TRPC7: variants seen among roughly 807,000 people sequenced by gnomAD.
TRPC7 encodes transient receptor potential cation channel subfamily C member 7.
TRPC7 carries 42 observed loss-of-function variants against 90.1 expected under a neutral mutation model. That is an observed-to-expected ratio of 0.47 (90% CI 0.36 to 0.60). The LOEUF (loss-of-function observed/expected upper bound fraction) is 0.60. Ranked by LOEUF, TRPC7 falls within the 20% of genes least tolerant of loss-of-function variation. The probability of loss-of-function intolerance (pLI) is 0.00; values close to 1 mark genes in which losing one functional copy is unlikely to be tolerated. For missense variants in TRPC7, 955 were observed against 1,112.3 expected (o/e 0.86, Z 2.01); for synonymous variants, 451 against 436.3 (o/e 1.03, Z -0.42).
At chr5:136,245,818 G>T (rs912058144) in intron 7 of TRPC7, among the ~76,000 whole-genome samples, 1 of 152,314 alleles carries the variant, frequency 6.6e-6, no homozygotes, top group African/African-American at 2.4e-5. Flanking sequence ...ATCCATAAAG[G>T]TATTTGTGAA....
At chr5:136,269,289 T>C (rs1757128736) in intron 4 of TRPC7, among the ~76,000 whole-genome samples, 1 of 152,220 alleles carries the variant, frequency 6.6e-6, no homozygotes, top group Admixed American at 6.5e-5. Context: ...GCCACTATTC[T>C]TTGGCTCTGA....
intron 3 of TRPC7, among the ~76,000 whole-genome samples, chr5:136,306,054 A>G (rs1463767406): frequency 6.6e-6 from 1 of 152,070 alleles, no homozygotes; most frequent in Non-Finnish European, 1.5e-5. Context: ...CTGTCTAGTC[A>G]TACTCCTATT....
At chr5:136,340,619 A>G (rs1759816430) in intron 2 of TRPC7, among the ~76,000 whole-genome samples, 2 of 152,152 alleles carry the variant, frequency 1.3e-5, no homozygotes. Flanking sequence ...AAAGCATGAC[A>G]TGAAATCCAT....
At position 136,258,356 on chromosome 5, in the gene TRPC7, G is replaced by A. The variant is rs191837145; in HGVS notation, c.1346-6474C>T. Among the ~76,000 whole-genome samples, 19 of 152,264 alleles carry A rather than the reference G, an allele frequency of 1.2e-4. No homozygotes were observed. In the East Asian group the frequency reaches 2.9e-3, roughly 23 times the overall value. ...TAGTGAGTGAAATTGGCCCCCTGCC[G>A]CCACAGTGCCAAGGATAGTTCAGCG... is the stretch of plus-strand genomic sequence containing the variant. On this transcript the variant is annotated intron_variant, in intron 5 of 11. Coordinates refer to ENST00000513104, the MANE Select transcript of TRPC7 (RefSeq NM_020389.3).
intron 4 of TRPC7, among the ~76,000 whole-genome samples, chr5:136,268,612 G>A (rs1226470656): frequency 6.6e-6 from 1 of 152,096 alleles, no homozygotes; most frequent in African/African-American, 2.4e-5. Flanking sequence ...CAGAAGACCT[G>A]GTTTAAGGAA....
chr5:136,241,640 C>T (rs374722257), intron 7 of TRPC7, among the ~76,000 whole-genome samples: 1 of 152,136 alleles, frequency 6.6e-6, no homozygotes, highest in East Asian at 1.9e-4. Flanking sequence ...ACTGCAACCT[C>T]CGCCTCCCAG....
chr5:136,213,991 C>T (rs74755145), intron 11 of TRPC7: 2 of 185,418 alleles, frequency 1.1e-5, no homozygotes, highest in Admixed American at 5.4e-5. Context: ...CAGAGCATTG[C>T]TTTTGATGAT....
intron 3 of TRPC7, among the ~76,000 whole-genome samples, chr5:136,294,603 C>G (rs1437949890): frequency 6.6e-6 from 1 of 152,140 alleles, no homozygotes; most frequent in East Asian, 1.9e-4. Flanking sequence ...CCATCTCACA[C>G]CAGTTAGAAT....
intron 5 of TRPC7, among the ~76,000 whole-genome samples, chr5:136,253,270 T>C (rs773263767): frequency 6.6e-6 from 1 of 152,232 alleles, no homozygotes; most frequent in Non-Finnish European, 1.5e-5. Flanking sequence ...TGAATAATGC[T>C]ATTCTATACC....
At position 136,225,944 on chromosome 5, in the gene TRPC7, G is replaced by C; in HGVS notation, c.2262+90C>G. On this transcript the variant is annotated intron_variant, in intron 9 of 11. Transcript: ENST00000513104. ...TCCTGGCTCCCCTTGCATGGGGTGG[G>C]GGAGGGCAGCCATATGACTCAAACA... 5.4e-6 allele frequency: 6 copies of C among 1,113,260 alleles called. No homozygotes were observed. In the South Asian group the frequency reaches 9.1e-5, roughly 17 times the overall value. The allele number at this position is 1,113,260 out of a possible 1,614,324, so 69.0% of individuals were successfully genotyped here.
intron 3 of TRPC7, among the ~76,000 whole-genome samples, chr5:136,299,490 CAT>C (rs1193327819): frequency 6.6e-6 from 1 of 151,812 alleles, no homozygotes; most frequent in African/African-American, 2.4e-5. Flanking sequence ...TAAATTAAAA[CAT>C]AAATTAAGCA....
At chr5:136,302,238 G>A (rs1278622266) in intron 3 of TRPC7, among the ~76,000 whole-genome samples, 2 of 152,222 alleles carry the variant, frequency 1.3e-5, no homozygotes. Context: ...TTTCAAAGGT[G>A]TCAGACCACG....
chr5:136,259,262 G>A (rs1756777461), intron 5 of TRPC7, among the ~76,000 whole-genome samples: 1 of 152,192 alleles, frequency 6.6e-6, no homozygotes, highest in Non-Finnish European at 1.5e-5. Context: ...AAGCCACACA[G>A]GCAGCCCAGG....
rs747266341 is a variant in TRPC7, at chr5:136,245,030, G to A, written c.1844+2441C>T. 5.3e-5 allele frequency among the ~76,000 whole-genome samples: 8 copies of A among 152,282 alleles called. No individual in the cohort carries two copies. The East Asian group carries it at 5.8e-4, about 11-fold the overall frequency. On this transcript the variant is annotated intron_variant, in intron 7 of 11. Transcript: ENST00000513104. The stretch of plus-strand genomic sequence containing the variant: ...TTTATGCCAAGCATTGCATTTGGTC[G>A]TATTTCTTCTTATTGGATCCTTACA...
At position 136,321,295 on chromosome 5, in the gene TRPC7, G is replaced by A. The variant is rs1759188872; in HGVS notation, c.781-5516C>T. 2.0e-5 allele frequency among the ~76,000 whole-genome samples: 3 copies of A among 152,236 alleles called. 1 individual carries two copies. Among genetic ancestry groups the A allele is most frequent in the South Asian group, 4.1e-4 (2 of 4,820 alleles). ...GGAAACAAAATGTGGGTAGGGATAA[G>A]GATATATGAATCCCTGACAGATTCT... On this transcript the variant is annotated intron_variant, in intron 2 of 11. Transcript: ENST00000513104.
At chr5:136,357,789 C>T (rs893926393) in intron 1 of TRPC7, among the ~76,000 whole-genome samples, 1 of 152,092 alleles carries the variant, frequency 6.6e-6, no homozygotes, top group Admixed American at 6.5e-5. Flanking sequence ...GTTTTCCCAC[C>T]TGTACAATGT....
intron 3 of TRPC7, among the ~76,000 whole-genome samples, chr5:136,303,391 T>C (rs1758475312): frequency 6.6e-6 from 1 of 152,114 alleles, no homozygotes; most frequent in Non-Finnish European, 1.5e-5. Flanking sequence ...ACAACAGGAC[T>C]TAGTTAACCT....
intron 3 of TRPC7, among the ~76,000 whole-genome samples, chr5:136,288,219 A>G (rs1007409546): frequency 6.6e-6 from 1 of 152,124 alleles, no homozygotes; most frequent in Non-Finnish European, 1.5e-5. Flanking sequence ...AACTACACCA[A>G]GCAGCAGTTA....
At chr5:136,263,656 T>A (rs1229110740) in intron 5 of TRPC7, among the ~76,000 whole-genome samples, 1 of 151,962 alleles carries the variant, frequency 6.6e-6, no homozygotes, top group Non-Finnish European at 1.5e-5. Flanking sequence ...TAATATAATA[T>A]CTGAAATGAA....
Sources: gnomAD v4.1 joint callset for allele counts (sites outside exome capture counted in the v4.1 genomes callset) on GRCh38, gnomAD v4.1.1 for gene constraint, MANE v1.5 for transcripts, NCBI Gene and HGNC (gene_info 2026-07-23, HGNC 2026-07-21) for gene names.